The following GLIS3 variants were observed in gnomAD, a reference collection of about 807,000 sequenced individuals.
GLIS3 encodes zinc finger protein GLIS3.
A neutral mutation model predicts 78.6 loss-of-function variants in GLIS3; 53 were observed. That is an observed-to-expected ratio of 0.67 (90% confidence interval 0.54 to 0.85). The LOEUF is 0.85. Ranked by LOEUF, GLIS3 falls within the 40% of genes least tolerant of loss-of-function variation. The pLI is 0.00. For missense variants in GLIS3, 1,703 were observed against 1,231.1 expected, an observed-to-expected ratio of 1.38 and a Z score of -5.74; for synonymous variants, 684 against 509.9, an observed-to-expected ratio of 1.34 and a Z score of -4.60.
the GLIS3 span, among the ~76,000 whole-genome samples, chr9:4,390,051 C>A: frequency 1.3e-5 from 2 of 152,148 alleles, no homozygotes; most frequent in African/African-American, 4.8e-5. Context: ...TGGGCTAAAA[C>A]CCAGACTAAT....
chr9:4,236,145 C>G (rs554059639), intron 2 of GLIS3, among the ~76,000 whole-genome samples: 2 of 135,164 alleles, frequency 1.5e-5, no homozygotes, highest in East Asian at 4.8e-4. Flanking sequence ...TGGAGTAGTG[C>G]TCCCTGGCCA....
At chr9:4,379,618 G>A in the GLIS3 span, among the ~76,000 whole-genome samples, 13 of 152,130 alleles carry the variant, frequency 8.5e-5, no homozygotes, top group African/African-American at 2.7e-4. Context: ...CAGTTGACTT[G>A]TTTTCTGCTG....
chr9:4,173,691 G>A (rs191406042), intron 2 of GLIS3, among the ~76,000 whole-genome samples: 4 of 151,308 alleles, frequency 2.6e-5, no homozygotes, highest in African/African-American at 9.7e-5. Flanking sequence ...CAACCTCCTG[G>A]GATCAAAAGA....
chr9:3,920,609 G>GT (rs34014322), intron 6 of GLIS3, among the ~76,000 whole-genome samples: 105,246 of 127,824 alleles, frequency 0.82, 43,444 homozygotes, highest in Middle Eastern at 0.87. Context: ...AAAAGAACAG[G>GT]TTTTTTTTTT....
At chr9:4,099,884 G>C (rs540398702) in intron 4 of GLIS3, among the ~76,000 whole-genome samples, 1 of 152,248 alleles carries the variant, frequency 6.6e-6, no homozygotes, top group East Asian at 1.9e-4. Flanking sequence ...GGGTGAAAAT[G>C]AAAAGATTTA....
At chr9:4,439,585 AC>A in the GLIS3 span, among the ~76,000 whole-genome samples, 1 of 151,658 alleles carries the variant, frequency 6.6e-6, no homozygotes, top group Non-Finnish European at 1.5e-5. Flanking sequence ...TTTCATAACC[AC>A]CCCAGTTTCT....
chr9:4,272,851 C>A (rs897068367), intron 2 of GLIS3, among the ~76,000 whole-genome samples: 1 of 152,164 alleles, frequency 6.6e-6, no homozygotes, highest in African/African-American at 2.4e-5. Flanking sequence ...CTGGTTCAGC[C>A]AGGATAGTCC....
intron 2 of GLIS3, among the ~76,000 whole-genome samples, chr9:4,155,108 G>T (rs1834954335): frequency 6.6e-6 from 1 of 152,124 alleles, no homozygotes; most frequent in Non-Finnish European, 1.5e-5. Context: ...AGTACTTGTA[G>T]ATAAGTTTCT....
At chr9:4,179,912 A>AAT (rs1170638267) in intron 2 of GLIS3, among the ~76,000 whole-genome samples, 1 of 151,780 alleles carries the variant, frequency 6.6e-6, no homozygotes, top group African/African-American at 2.4e-5. Context: ...TCTGTCTCAA[A>AAT]AAAAAAAAAA....
the GLIS3 span, among the ~76,000 whole-genome samples, chr9:4,391,942 T>C: frequency 3.3e-5 from 5 of 152,192 alleles, no homozygotes; most frequent in Admixed American, 2.6e-4. Flanking sequence ...TATGAAGATA[T>C]ATGCATGCGT....
chr9:4,156,742 A>G (rs1232539898), intron 2 of GLIS3, among the ~76,000 whole-genome samples: 2 of 152,140 alleles, frequency 1.3e-5, no homozygotes, highest in African/African-American at 2.4e-5. Flanking sequence ...TCATGCCCTT[A>G]TCTGATGAGG....
chr9:4,366,830 C>G, the GLIS3 span, among the ~76,000 whole-genome samples: 93 of 152,284 alleles, frequency 6.1e-4, no homozygotes, highest in African/African-American at 2.0e-3. Flanking sequence ...AATGGCCAAA[C>G]AGTTGAGCCA....
chr9:4,202,063 G>C lies in GLIS3; in HGVS notation c.389-76122C>G, dbSNP rs190173948. Among the ~76,000 whole-genome samples, 27 of 152,112 alleles carry C rather than the reference G, an allele frequency of 1.8e-4. No individual in the cohort carries two copies. The East Asian group carries it at 3.9e-3, about 22-fold the overall frequency. ...TGAGGCAGGAAAACTGCTTGAACCCGGGAGACGGAGGTTGCAGTGAGCCAA... is the reference window on the plus strand; with the variant it reads ...TGAGGCAGGAAAACTGCTTGAACCCCGGAGACGGAGGTTGCAGTGAGCCAA... On this transcript the variant is annotated intron_variant, in intron 2 of 10. Transcript: ENST00000381971.
intron 4 of GLIS3, among the ~76,000 whole-genome samples, chr9:4,103,180 T>A (rs533738460): frequency 1.3e-5 from 2 of 152,262 alleles, no homozygotes; most frequent in East Asian, 3.9e-4. Context: ...CACAAAAGGT[T>A]TTTCATTTAG....
chr9:3,865,892 TTC>T (rs1820542094), intron 8 of GLIS3, among the ~76,000 whole-genome samples: 1 of 151,590 alleles, frequency 6.6e-6, no homozygotes, highest in Non-Finnish European at 1.5e-5. Flanking sequence ...ACCAGTGCAT[TTC>T]AAAAATAAAA....
intron 2 of GLIS3, among the ~76,000 whole-genome samples, chr9:4,205,462 C>G (rs1819791080): frequency 6.6e-6 from 1 of 152,196 alleles, no homozygotes; most frequent in Non-Finnish European, 1.5e-5. Flanking sequence ...TCTGGGGATT[C>G]TGAGAAAAAG....
intron 4 of GLIS3, among the ~76,000 whole-genome samples, chr9:4,107,183 G>A (rs992761573): frequency 6.6e-5 from 10 of 152,178 alleles, no homozygotes; most frequent in African/African-American, 2.4e-4. Context: ...TTCTTTTCAA[G>A]GAGATATAGA....
intron 2 of GLIS3, among the ~76,000 whole-genome samples, chr9:4,333,473 G>C (rs549030828): frequency 6.6e-6 from 1 of 152,314 alleles, no homozygotes; most frequent in South Asian, 2.1e-4. Flanking sequence ...TCTTAAAACA[G>C]AAGGAGAGAT....
the GLIS3 span, among the ~76,000 whole-genome samples, chr9:4,414,862 G>T: frequency 6.6e-6 from 1 of 151,836 alleles, no homozygotes; most frequent in Non-Finnish European, 1.5e-5. Context: ...CGAGAATCCT[G>T]TTAGGTCAGT....
Sources: allele counts gnomAD v4.1 joint callset (sites outside exome capture counted in the v4.1 genomes callset), GRCh38; gene constraint gnomAD v4.1.1; transcripts MANE v1.5; gene names NCBI Gene and HGNC (gene_info 2026-07-23, HGNC 2026-07-21).